DIRAS2: variants seen among roughly 807,000 people sequenced by gnomAD.
The protein encoded by DIRAS2 is GTP-binding protein Di-Ras2.
DIRAS2 carries 5 observed loss-of-function variants against 13.9 expected under a neutral mutation model. That is an observed-to-expected ratio of 0.36 (90% CI 0.19 to 0.76). The LOEUF (loss-of-function observed/expected upper bound fraction) is 0.76. Among genes scored for constraint, DIRAS2 ranks in the 30% least tolerant of loss-of-function variants. The probability of loss-of-function intolerance (pLI) is 0.53; values close to 1 mark genes in which losing one functional copy is unlikely to be tolerated. For synonymous variants in DIRAS2, 111 were observed against 105.4 expected, an observed-to-expected ratio of 1.05 and a Z score of -0.33; for missense variants, 191 against 263.0, an observed-to-expected ratio of 0.73 and a Z score of 1.89.
chr9:90,630,521 A>G (rs496445), intron 1 of DIRAS2, among the ~76,000 whole-genome samples: 31,187 of 152,172 alleles, frequency 0.2, 3,772 homozygotes, highest in East Asian at 0.32. Flanking sequence ...TTTCATTTAT[A>G]AAAATCAGAC....
intron 1 of DIRAS2, among the ~76,000 whole-genome samples, chr9:90,614,162 C>T (rs945485167): frequency 6.6e-6 from 1 of 152,092 alleles, no homozygotes; most frequent in Admixed American, 6.5e-5. Context: ...GAGACAGCAC[C>T]AAGGAAAGGC....
chr9:90,623,325 T>A (rs948654017), intron 1 of DIRAS2, among the ~76,000 whole-genome samples: 1 of 152,182 alleles, frequency 6.6e-6, no homozygotes, highest in African/African-American at 2.4e-5. Flanking sequence ...CGACAGGCCA[T>A]CCCCTGAATG....
rs1311020480 is a variant in DIRAS2, at chr9:90,611,701, CCCCAGGCAGG to C, written c.*1517_*1526del. 6.6e-6 allele frequency: 1 copy of C among 152,330 alleles called. No homozygotes were observed. Among genetic ancestry groups the C allele is most frequent in the Non-Finnish European group, 1.5e-5 (1 of 68,136 alleles). The allele number at this position is 152,330 out of a possible 1,614,324, so 9.4% of individuals were successfully genotyped here. ...CCCAACAGCCATGCAGCCCCCACCC[CCCCAGGCAGG>C]CCCACGTGGGACTGCAGCTCCTTCT... On this transcript the variant is annotated 3_prime_UTR_variant, in exon 2 of 2. Transcript: ENST00000375765.
At chr9:90,621,901 AT>A (rs1420060535) in intron 1 of DIRAS2, among the ~76,000 whole-genome samples, 1 of 152,226 alleles carries the variant, frequency 6.6e-6, no homozygotes, top group Non-Finnish European at 1.5e-5. Context: ...CAGCTATGTT[AT>A]TTATAGTTTG....
intron 1 of DIRAS2, among the ~76,000 whole-genome samples, chr9:90,630,921 A>G (rs548302450): frequency 2.0e-5 from 3 of 152,340 alleles, no homozygotes; most frequent in African/African-American, 7.2e-5. Context: ...GCCCACAGCA[A>G]TGTAAATGTG....
At position 90,613,293 on chromosome 9, in the gene DIRAS2, C is replaced by T. The variant is rs755753351; in HGVS notation, c.535G>A (p.Asp179Asn). 46 of 1,613,778 alleles carry T rather than the reference C, an allele frequency of 2.9e-5. No individual in the cohort carries two copies. Among genetic ancestry groups the T allele is most frequent in the Non-Finnish European group, 3.8e-5 (45 of 1,180,010 alleles). The stretch of plus-strand genomic sequence containing the variant: ...TTCTGCTGCTTGCTCTTTTTCCCGT[C>T]GATCTGGAGACTCACGGTCCTGCGC... ...EKRRTVSLQI[D>N]GKKSKQQKRK... Residue 179 changes from aspartate to asparagine, a missense_variant, in exon 2 of 2, where the codon GAC (aspartate) becomes AAC (asparagine). By Grantham distance (23) the Asp-to-Asn change is conservative (BLOSUM62 1). Transcript: ENST00000375765. This position sits in a 1 kb window ranked among gnomAD's most constrained non-coding sequence, Gnocchi z 5.6.
chr9:90,634,856 T>C (rs1243947244), intron 1 of DIRAS2, among the ~76,000 whole-genome samples: 1 of 152,112 alleles, frequency 6.6e-6, no homozygotes, highest in Non-Finnish European at 1.5e-5. Flanking sequence ...TGCCAAGTTG[T>C]AAAAGAGAGG....
Position 90,616,736 on chromosome 9 carries a change from CAAAAAA to C in DIRAS2, c.-36-2879_-36-2874del, listed in dbSNP as rs11422558. Among the ~76,000 whole-genome samples, 23 of 88,478 alleles carry C rather than the reference CAAAAAA, an allele frequency of 2.6e-4. 1 individual carries two copies. Among genetic ancestry groups the C allele is most frequent in the African/African-American group, 5.4e-4 (12 of 22,420 alleles). 58.0% of individuals were successfully genotyped at this position (88,478 alleles called of 152,430 possible). A position where few individuals can be genotyped will look rare whatever the true frequency, so the allele number is the denominator to read the frequency against. ...TGGGTGACAGAGCAAGACTCCATCA[CAAAAAA>C]AAAAAAAAAAAAAAAATTGTAAACT... On this transcript the variant is annotated intron_variant, in intron 1 of 1. Coordinates refer to ENST00000375765, the MANE Select transcript of DIRAS2 (RefSeq NM_017594.5).
chr9:90,620,047 G>A (rs1344961822), intron 1 of DIRAS2, among the ~76,000 whole-genome samples: 2 of 152,066 alleles, frequency 1.3e-5, no homozygotes, highest in Admixed American at 1.3e-4. Flanking sequence ...GGACTGGGGG[G>A]AAACAAGAAG....
intron 1 of DIRAS2, among the ~76,000 whole-genome samples, chr9:90,631,036 C>A (rs561506860): frequency 6.6e-6 from 1 of 152,208 alleles, no homozygotes; most frequent in African/African-American, 2.4e-5. Context: ...GAGTGTGGAA[C>A]CATTTGACAA....
rs145595141 is a variant in DIRAS2 at position 90,618,796 on chromosome 9, T to G, written c.-36-4933A>C. 3.3e-5 allele frequency among the ~76,000 whole-genome samples: 5 copies of G among 152,250 alleles called. No homozygotes were observed. In the East Asian group the frequency reaches 9.7e-4, roughly 29 times the overall value. On this transcript the variant is annotated intron_variant, in intron 1 of 1. Transcript: ENST00000375765. ...CTATATTTAATAGTCAATAAGAAGA[T>G]ATACAAATAGCCAATAATAAGTCAA...
chr9:90,617,718 C>A (rs2118545256), intron 1 of DIRAS2, among the ~76,000 whole-genome samples: 1 of 152,272 alleles, frequency 6.6e-6, no homozygotes, highest in South Asian at 2.1e-4. Context: ...CTATTAAACT[C>A]ATTCAATAAG....
At chr9:90,618,040 C>A (rs956033873) in intron 1 of DIRAS2, among the ~76,000 whole-genome samples, 3 of 152,080 alleles carry the variant, frequency 2.0e-5, no homozygotes, top group Non-Finnish European at 4.4e-5. Context: ...ATCCCACTAG[C>A]GACTCTGCAG....
intron 1 of DIRAS2, among the ~76,000 whole-genome samples, chr9:90,637,486 T>G (rs1422979988): frequency 6.6e-6 from 1 of 152,334 alleles, no homozygotes; most frequent in African/African-American, 2.4e-5. Context: ...TGAAAATTAC[T>G]ATCAAGTTCT....
At chr9:90,624,365 T>C (rs908761218) in intron 1 of DIRAS2, among the ~76,000 whole-genome samples, 15 of 152,168 alleles carry the variant, frequency 9.9e-5, no homozygotes, top group South Asian at 6.2e-4. Flanking sequence ...GGATCAACTT[T>C]ATCCAGAAAA....
chr9:90,625,495 A>ATATG (rs2118561407), intron 1 of DIRAS2, among the ~76,000 whole-genome samples: 1 of 152,342 alleles, frequency 6.6e-6, no homozygotes, highest in Non-Finnish European at 1.5e-5. Context: ...TAATTCTTAT[A>ATATG]TATGGTGTGA....
intron 1 of DIRAS2, among the ~76,000 whole-genome samples, chr9:90,638,714 TAA>T (rs1825392945): frequency 6.8e-6 from 1 of 146,812 alleles, no homozygotes; most frequent in African/African-American, 2.6e-5. Context: ...GAGATGAGTC[TAA>T]GTTTGTACAA....
At position 90,629,685 on chromosome 9, in the gene DIRAS2, T is replaced by A. The variant is rs117726414; in HGVS notation, c.-37+13067A>T. On this transcript the variant is annotated intron_variant, in intron 1 of 1. Transcript: ENST00000375765. ...AGTACTTGCCTATAACCTATGCACATCCTCTTGGATACTTTAAATCATTTC... is the reference window on the plus strand; with the variant it reads ...AGTACTTGCCTATAACCTATGCACAACCTCTTGGATACTTTAAATCATTTC... 1.7e-3 allele frequency among the ~76,000 whole-genome samples: 266 copies of A among 152,338 alleles called. 6 individuals are homozygous for A. In the South Asian group the frequency reaches 0.037, roughly 21 times the overall value.
Position 90,610,493 on chromosome 9 carries a change from G to T in DIRAS2, c.*2735C>A, listed in dbSNP as rs146200465. ...GGAGCCCCATGCTCATGCCCAGAGC[G>T]CCATCTTCAAAGCAATATTTAATTA... On this transcript the variant is annotated 3_prime_UTR_variant, in exon 2 of 2. Transcript: ENST00000375765. The T allele has an allele frequency of 2.5e-6, 1 of 398,868 alleles. No individual in the cohort carries two copies. Among genetic ancestry groups the T allele is most frequent in the Non-Finnish European group, 4.4e-6 (1 of 226,012 alleles). 24.7% of individuals were successfully genotyped at this position (398,868 alleles called of 1,614,324 possible). A position where few individuals can be genotyped will look rare whatever the true frequency, so the allele number is the denominator to read the frequency against.
Sources: allele counts gnomAD v4.1 joint callset (sites outside exome capture counted in the v4.1 genomes callset), GRCh38; gene constraint gnomAD v4.1.1; non-coding constraint Gnocchi (gnomAD v3.1); transcripts MANE v1.5; gene names NCBI Gene and HGNC (gene_info 2026-07-23, HGNC 2026-07-21).